The following CENPC variants were observed in gnomAD, a reference collection of about 807,000 sequenced individuals.
CENPC encodes CENP-C 1.
Under a neutral mutation model 112.1 loss-of-function variants are expected in CENPC, and 63 were observed. The ratio of observed to expected loss-of-function variants is 0.56; its 90% CI spans 0.46 to 0.69. CENPC has a LOEUF of 0.69. Among genes scored for constraint, CENPC ranks in the 30% least tolerant of loss-of-function variants. CENPC has a pLI of 0.00. For synonymous variants in CENPC, 333 were observed against 367.6 expected (o/e 0.91, Z 1.08); for missense variants, 1,000 against 1,103.8 (o/e 0.91, Z 1.33).
chr4:67,510,867 C>T (rs1577990457), intron 9 of CENPC: 2 of 393,370 alleles, frequency 5.1e-6, no homozygotes, highest in East Asian at 7.3e-5. Context: ...TTTTCGACTC[C>T]CAGCTTGATC....
intron 16 of CENPC, among the ~76,000 whole-genome samples, chr4:67,491,464 TATATATATATATATATAGAGAGAG>T (rs1358420116): frequency 1.8e-4 from 12 of 66,366 alleles, no homozygotes; most frequent in South Asian, 6.7e-4. Context: ...TATATATATA[TATATATATATATATATAGAGAGAG>T]AGAGAGAGAG....
rs184128058 is a variant in CENPC, at chr4:67,512,518, C to A, written c.1496G>T (p.Arg499Leu). 1 of 1,579,500 alleles carries A rather than the reference C, an allele frequency of 6.3e-7. No homozygotes were observed. Among genetic ancestry groups the A allele is most frequent in the Non-Finnish European group, 8.6e-7 (1 of 1,164,228 alleles). ...TTTGTTCTTGGACTCACTGGAAAAG[C>A]GCTTCTTTTTAGATTCTTCCTTATC... ...RKDKEESKKK[R>L]FSSESKNKLV... The change falls in exon 9 of 19, where the codon CGC becomes CTC. Residue 499 changes from arginine (R) to leucine (L), a missense_variant. Arg to Leu is a moderately radical substitution (Grantham distance 102). Coordinates refer to ENST00000273853, the MANE Select transcript of CENPC (RefSeq NM_001812.4).
chr4:67,535,402 T>A (rs1726687591), intron 4 of CENPC, among the ~76,000 whole-genome samples: 4 of 151,014 alleles, frequency 2.6e-5, no homozygotes, highest in African/African-American at 9.7e-5. Context: ...AGAGAGTACA[T>A]GACAAAACCT....
At chr4:67,535,165 A>C (rs1331353630) in intron 4 of CENPC, among the ~76,000 whole-genome samples, 1 of 152,048 alleles carries the variant, frequency 6.6e-6, no homozygotes, top group African/African-American at 2.4e-5. Context: ...ATTATTTTTT[A>C]ATTAAAGGAA....
At chr4:67,506,958 G>C (rs1275714007) in intron 10 of CENPC, 24 bp from the exon 11 acceptor site, 4 of 1,554,770 alleles carry the variant, frequency 2.6e-6, no homozygotes, top group East Asian at 2.3e-5. Context: ...AAATGTATGA[G>C]TGTTTATACT....
At chr4:67,533,581 G>C (rs1726623144) in intron 4 of CENPC, among the ~76,000 whole-genome samples, 1 of 152,184 alleles carries the variant, frequency 6.6e-6, no homozygotes, top group Non-Finnish European at 1.5e-5. Context: ...AGGAGTAGAT[G>C]AGACATGTCA....
At chr4:67,511,041 G>T (rs1005106137) in intron 9 of CENPC, 1 of 456,150 alleles carries the variant, frequency 2.2e-6, no homozygotes, top group Middle Eastern at 3.3e-4. Flanking sequence ...GCAGAAAAGT[G>T]AGTTCCCCAA....
At position 67,519,301 on chromosome 4, in the gene CENPC, G is replaced by A. The variant is rs775445590; in HGVS notation, c.533C>T (p.Ala178Val). ...SVSQNVIPSS[A>V]QKRETYTFEN... ...AAAAGTGTAAGTCTCTCTCTTTTGG[G>A]CACTAGATGGAATAACATTTTGTGA... The change falls in exon 6 of 19, where the codon GCC (alanine) becomes GTC (valine). Residue 178 changes from alanine to valine, a missense_variant. Coordinates refer to ENST00000273853, the MANE Select transcript of CENPC (RefSeq NM_001812.4). 6.2e-7 allele frequency: 1 copy of A among 1,611,972 alleles called. No homozygotes were observed.
intron 2 of CENPC, among the ~76,000 whole-genome samples, chr4:67,542,739 G>A (rs1454770435): frequency 2.6e-5 from 4 of 151,996 alleles, no homozygotes; most frequent in East Asian, 3.9e-4. Context: ...ATTAGTGGCC[G>A]GTTTTCTACC....
intron 4 of CENPC, among the ~76,000 whole-genome samples, chr4:67,532,527 G>A (rs1726585702): frequency 6.6e-6 from 1 of 152,202 alleles, no homozygotes; most frequent in Non-Finnish European, 1.5e-5. Context: ...AGTGGATTAA[G>A]AAAATGTGGC....
At chr4:67,537,434 T>C (rs1262979325) in intron 4 of CENPC, among the ~76,000 whole-genome samples, 2 of 152,154 alleles carry the variant, frequency 1.3e-5, no homozygotes, top group Non-Finnish European at 2.9e-5. Context: ...GGCAGGAGGA[T>C]TGCTTGAGCC....
intron 12 of CENPC, 57 bp downstream of exon 12, chr4:67,505,148 C>T (rs1725698716): frequency 1.6e-6 from 2 of 1,225,074 alleles, no homozygotes; most frequent in East Asian, 5.1e-5. Context: ...CATAGCACTC[C>T]TTACTCCATA....
At chr4:67,538,508 C>CT (rs1435969549) in intron 4 of CENPC, among the ~76,000 whole-genome samples, 2 of 152,194 alleles carry the variant, frequency 1.3e-5, no homozygotes, top group Non-Finnish European at 2.9e-5. Context: ...GGTGAACCCT[C>CT]TGATCACCCA....
intron 5 of CENPC, among the ~76,000 whole-genome samples, chr4:67,529,620 C>T (rs1726487033): frequency 6.6e-6 from 1 of 152,186 alleles, no homozygotes; most frequent in Admixed American, 6.5e-5. Flanking sequence ...GCAACCACTC[C>T]TGGCTCCAGA....
At chr4:67,544,097 CTATT>C in intron 2 of CENPC, 48 bp downstream of exon 2, 1 of 908,320 alleles carries the variant, frequency 1.1e-6, no homozygotes, top group Non-Finnish European at 1.8e-6. Context: ...ATTTAAAAAT[CTATT>C]AACGATGAGA....
intron 2 of CENPC, among the ~76,000 whole-genome samples, chr4:67,543,363 G>A (rs533821613): frequency 1.3e-5 from 2 of 152,056 alleles, no homozygotes; most frequent in South Asian, 2.1e-4. Flanking sequence ...CCTGTTCAAG[G>A]TCCACCAAAG....
chr4:67,515,459 C>T (rs1726032601), intron 7 of CENPC, among the ~76,000 whole-genome samples: 1 of 151,394 alleles, frequency 6.6e-6, no homozygotes. Context: ...GAGCAAAACT[C>T]CATCTCAGAC....
intron 5 of CENPC, among the ~76,000 whole-genome samples, chr4:67,523,618 A>C (rs543765678): frequency 2.4e-4 from 36 of 152,018 alleles, no homozygotes; most frequent in African/African-American, 8.4e-4. Context: ...AGATACAGAT[A>C]GTTACATTTA....
chr4:67,505,381 A>G (rs1353414777), intron 11 of CENPC, 97 bp from the exon 12 acceptor site: 1 of 709,108 alleles, frequency 1.4e-6, no homozygotes, highest in Admixed American at 3.1e-5. Context: ...AACTGCCATA[A>G]GTCTTTCTTA....
Sources: allele counts gnomAD v4.1 joint callset (sites outside exome capture counted in the v4.1 genomes callset), GRCh38; gene constraint gnomAD v4.1.1; transcripts MANE v1.5; gene names NCBI Gene and HGNC (gene_info 2026-07-23, HGNC 2026-07-21).